Variants in SLX9 observed in about 807,000 individuals in gnomAD.
SLX9 encodes SLX9 ribosome biogenesis factor.
In SLX9, 19 loss-of-function variants were observed where a neutral mutation model predicts 20.8. That is an observed-to-expected ratio of 0.91 (90% CI 0.64 to 1.34). The LOEUF (loss-of-function observed/expected upper bound fraction) is 1.34, where lower values mean the gene tolerates loss of function less well. Ranked by LOEUF, SLX9 falls within the 40% of genes most tolerant of loss-of-function variation. The pLI is 0.00. For synonymous variants in SLX9, 113 were observed against 137.1 expected (o/e 0.82, Z 1.23); for missense variants, 299 against 322.2 (o/e 0.93, Z 0.55).
At position 44,966,923 on chromosome 21, in the gene SLX9, G is replaced by A; in HGVS notation, c.353-111G>A. 8.6e-6 allele frequency: 12 copies of A among 1,393,934 alleles called. No individual in the cohort carries two copies. The South Asian group carries it at 1.5e-4, about 17-fold the overall frequency. 86.3% of individuals were successfully genotyped at this position (1,393,934 alleles called of 1,614,324 possible). A position where few individuals can be genotyped will look rare whatever the true frequency, so the allele number is the denominator to read the frequency against. On this transcript the variant is annotated intron_variant, in intron 3 of 5. Coordinates refer to ENST00000291634, the MANE Select transcript of SLX9 (RefSeq NM_058190.4). ...GGAATGGGGGTGACAGCGGGAAGGA[G>A]AGAGGCAGCAGGGCCGGGCACCCTG...
Position 44,956,095 on chromosome 21 carries a change from T to G in SLX9, c.284-4005T>G, listed in dbSNP as rs1316502969. On this transcript the variant is annotated intron_variant, in intron 2 of 5. Coordinates refer to ENST00000291634, the MANE Select transcript of SLX9 (RefSeq NM_058190.4). ...AGCCTTCATCGCTGTGAGCTGCCTA[T>G]ATGTGCCTTTTCCTGTTTTTCTTTT... Among the ~76,000 whole-genome samples the G allele has an allele frequency of 2.0e-5, 3 of 152,266 alleles. No homozygotes were observed. The East Asian group carries it at 5.8e-4, about 29-fold the overall frequency.
intron 2 of SLX9, among the ~76,000 whole-genome samples, chr21:44,950,273 C>T (rs913953833): frequency 1.3e-4 from 14 of 110,006 alleles, no homozygotes; most frequent in African/African-American, 4.9e-4. Context: ...CCTTTTTTTA[C>T]AGTTGTGAAG....
rs115397514 is a variant in SLX9 at position 44,964,982 on chromosome 21, C to T, written c.353-2052C>T. On this transcript the variant is annotated intron_variant, in intron 3 of 5. Coordinates refer to ENST00000291634, the MANE Select transcript of SLX9 (RefSeq NM_058190.4). Reference sequence around the variant, plus strand: ...CTCACACTTTGCCTGGTCTGCCCTGCGTCCACTGAGTGTTCATCAGCACTT... The same window carrying T: ...CTCACACTTTGCCTGGTCTGCCCTGTGTCCACTGAGTGTTCATCAGCACTT... Among the ~76,000 whole-genome samples, 1,028 of 152,296 alleles carry T rather than the reference C, an allele frequency of 6.8e-3. 15 individuals carry two copies. The highest frequency in any genetic ancestry group is 0.024 in the African/African-American group (979 of 41,552).
intron 3 of SLX9, among the ~76,000 whole-genome samples, chr21:44,963,873 G>A (rs2084988636): frequency 6.6e-6 from 1 of 152,144 alleles, no homozygotes; most frequent in Admixed American, 6.5e-5. Context: ...CTGTCTTGAG[G>A]TTGTTTTGGA....
At chr21:44,949,072 A>AC (rs1414839842) in intron 2 of SLX9, among the ~76,000 whole-genome samples, 1 of 152,000 alleles carries the variant, frequency 6.6e-6, no homozygotes, top group Non-Finnish European at 1.5e-5. Flanking sequence ...CTCAGCCCCA[A>AC]CCCCCCTTTG....
At chr21:44,963,746 G>A (rs2084986515) in intron 3 of SLX9, among the ~76,000 whole-genome samples, 1 of 152,100 alleles carries the variant, frequency 6.6e-6, no homozygotes. Flanking sequence ...TTTCTAGGCT[G>A]TCTTCTGTTC....
At chr21:44,949,656 G>A (rs962784140) in intron 2 of SLX9, among the ~76,000 whole-genome samples, 1 of 152,162 alleles carries the variant, frequency 6.6e-6, no homozygotes, top group East Asian at 1.9e-4. Flanking sequence ...TGCGCCTTCC[G>A]GCTGTGTACG....
chr21:44,947,711 G>A (rs1359513380), intron 2 of SLX9, among the ~76,000 whole-genome samples: 3 of 152,018 alleles, frequency 2.0e-5, no homozygotes, highest in Non-Finnish European at 2.9e-5. Flanking sequence ...TTACCCTTAC[G>A]GGCATCCTGG....
intron 4 of SLX9, among the ~76,000 whole-genome samples, chr21:44,971,401 G>A (rs1019889911): frequency 5.9e-5 from 9 of 152,014 alleles, no homozygotes; most frequent in Admixed American, 1.3e-4. Flanking sequence ...TAGGCTGTGC[G>A]TCCCGCCTGG....
At chr21:44,956,437 T>G (rs369338291) in intron 2 of SLX9, among the ~76,000 whole-genome samples, 146 of 152,314 alleles carry the variant, frequency 9.6e-4, no homozygotes, top group African/African-American at 3.3e-3. Context: ...CATTTCAGCT[T>G]GCATTCACCC....
chr21:44,952,799 G>A (rs769274385), intron 2 of SLX9, among the ~76,000 whole-genome samples: 6 of 152,226 alleles, frequency 3.9e-5, no homozygotes, highest in Non-Finnish European at 7.4e-5. Context: ...CTGGCACTTG[G>A]AGCTCGGTGG....
intron 4 of SLX9, among the ~76,000 whole-genome samples, chr21:44,968,356 G>T (rs1392056077): frequency 6.6e-6 from 1 of 152,242 alleles, no homozygotes; most frequent in African/African-American, 2.4e-5. Context: ...CCAGTGGCAG[G>T]TTCCATGTGC....
At chr21:44,973,032 G>C in intron 4 of SLX9, 165 bp from the exon 5 acceptor site, 1 of 175,806 alleles carries the variant, frequency 5.7e-6, no homozygotes, top group Non-Finnish European at 8.5e-6. Context: ...TCCAGGTCTC[G>C]CCTCCATGGC....
At chr21:44,960,907 T>C (rs1209428668) in intron 3 of SLX9, among the ~76,000 whole-genome samples, 1 of 152,270 alleles carries the variant, frequency 6.6e-6, no homozygotes, top group Non-Finnish European at 1.5e-5. Context: ...GTGATTCTGC[T>C]GACTTTGTGA....
At chr21:44,948,528 C>A (rs980201439) in intron 2 of SLX9, among the ~76,000 whole-genome samples, 1 of 152,192 alleles carries the variant, frequency 6.6e-6, no homozygotes. Context: ...GCACTTGGGA[C>A]TCAAGCTCAG....
At chr21:44,953,645 G>A (rs916462331) in intron 2 of SLX9, among the ~76,000 whole-genome samples, 4 of 152,236 alleles carry the variant, frequency 2.6e-5, no homozygotes, top group Admixed American at 1.3e-4. Context: ...AGGTGGGATG[G>A]GGTAGTTTGG....
chr21:44,974,798 C>T (rs760847953), intron 5 of SLX9, among the ~76,000 whole-genome samples: 1 of 152,170 alleles, frequency 6.6e-6, no homozygotes, highest in Non-Finnish European at 1.5e-5. Context: ...AGACAGTTTG[C>T]GAACAGCAGA....
Position 44,960,151 on chromosome 21 carries a change from G to C in SLX9, c.335G>C (p.Arg112Pro). 6.2e-7 allele frequency: 1 copy of C among 1,614,222 alleles called. No homozygotes were observed. The highest frequency in any genetic ancestry group is 8.5e-7 in the Non-Finnish European group (1 of 1,180,044). ...LPKKEKMKLR[R>P]EQWLQKIEAI... ...AAGAAGGAGAAAATGAAGCTGAGGC[G>C]TGAGCAATGGTTGCAGAGTAAGTCC... is the stretch of plus-strand genomic sequence containing the variant. Residue 112 changes from arginine to proline, a missense_variant, in exon 3 of 6, where the codon CGT (arginine) becomes CCT (proline). Arg to Pro is a moderately radical substitution (Grantham distance 103). Coordinates refer to ENST00000291634, the MANE Select transcript of SLX9 (RefSeq NM_058190.4).
At chr21:44,949,969 C>G (rs1265724282) in intron 2 of SLX9, among the ~76,000 whole-genome samples, 1 of 152,216 alleles carries the variant, frequency 6.6e-6, no homozygotes, top group Non-Finnish European at 1.5e-5. Flanking sequence ...CTTGTCAGGT[C>G]AGCCCAGGTG....
Sources: gnomAD v4.1 joint callset for allele counts (sites outside exome capture counted in the v4.1 genomes callset) on GRCh38, gnomAD v4.1.1 for gene constraint, MANE v1.5 for transcripts, NCBI Gene and HGNC (gene_info 2026-07-23, HGNC 2026-07-21) for gene names.